GCKR: variants seen among roughly 807,000 people sequenced by gnomAD.
GCKR encodes the protein glucokinase regulatory protein.
Under a neutral mutation model 82.9 loss-of-function variants are expected in GCKR, and 73 were observed. The observed-to-expected ratio is 0.88, with a 90% CI of 0.73 to 1.07. The LOEUF (loss-of-function observed/expected upper bound fraction) is 1.07, where lower values mean the gene tolerates loss of function less well. Among genes scored for constraint, GCKR ranks in the 50% least tolerant of loss-of-function variants. The pLI is 0.00. For missense variants in GCKR, 784 were observed against 782.1 expected (o/e 1.00, Z -0.03); for synonymous variants, 294 against 291.8 (o/e 1.01, Z -0.08).
At chr2:27,499,094 G>T in intron 5 of GCKR, 48 bp from the exon 6 acceptor site, 2 of 1,111,996 alleles carry the variant, frequency 1.8e-6, no homozygotes, top group Non-Finnish European at 2.8e-6. Flanking sequence ...TACGCCATAG[G>T]CTTCTGCTTT....
intron 7 of GCKR, among the ~76,000 whole-genome samples, chr2:27,500,458 A>G (rs1669547579): frequency 6.6e-6 from 1 of 152,214 alleles, no homozygotes; most frequent in Non-Finnish European, 1.5e-5. Flanking sequence ...AGTTATTGGA[A>G]CACAGCCATT....
chr2:27,498,598 G>A, intron 4 of GCKR, 126 bp from the exon 5 acceptor site: 1 of 733,134 alleles, frequency 1.4e-6, no homozygotes, highest in Non-Finnish European at 2.5e-6. Flanking sequence ...GAGATTCCAT[G>A]TAGGACTGGG....
intron 16 of GCKR, among the ~76,000 whole-genome samples, chr2:27,517,244 C>T (rs944213847): frequency 2.0e-5 from 3 of 152,084 alleles, no homozygotes; most frequent in African/African-American, 7.2e-5. Flanking sequence ...AATCTCCTGA[C>T]CTCATGATCC....
rs758637879 is a variant in GCKR at position 27,496,869 on chromosome 2, G to C, written c.-36G>C. On this transcript the variant is annotated 5_prime_UTR_variant, in exon 1 of 19. Transcript: ENST00000264717. ...GACCAGAGGGGTTTGTGTGGCTGAAGAGGCAGGAGGAACAGTGTATCCACA... is the reference window on the plus strand; with the variant it reads ...GACCAGAGGGGTTTGTGTGGCTGAACAGGCAGGAGGAACAGTGTATCCACA... The C allele has an allele frequency of 1.1e-5, 18 of 1,578,938 alleles. No homozygotes were observed. Among genetic ancestry groups the C allele is most frequent in the African/African-American group, 1.3e-5 (1 of 74,168 alleles).
chr2:27,503,376 T>A, intron 8 of GCKR, 138 bp from the exon 9 acceptor site: 1 of 704,912 alleles, frequency 1.4e-6, no homozygotes, highest in South Asian at 1.5e-5. Context: ...CTCTAAAAGT[T>A]CCAAAGCATA....
At chr2:27,517,013 CTT>C (rs10549495) in intron 16 of GCKR, among the ~76,000 whole-genome samples, 6,589 of 135,016 alleles carry the variant, frequency 0.049, 436 homozygotes, top group African/African-American at 0.16. Flanking sequence ...GTATTAGTAC[CTT>C]TTTTTTTTTT....
chr2:27,520,283 A>G (rs1670118888), intron 17 of GCKR, among the ~76,000 whole-genome samples: 1 of 152,140 alleles, frequency 6.6e-6, no homozygotes, highest in Admixed American at 6.6e-5. Context: ...AATGCATTAT[A>G]GCAAAAAGAA....
rs373060500 is a variant in GCKR, at chr2:27,521,497, A to AT, written c.1573-946dup. Reference sequence around the variant, plus strand: ...AGGCATGCGCCACCACACCCAGCTAATTTTTTTTTTTTTTTTTGTATTTTT... The same window carrying AT: ...AGGCATGCGCCACCACACCCAGCTAATTTTTTTTTTTTTTTTTTGTATTTTT... On this transcript the variant is annotated intron_variant, in intron 17 of 18. Transcript: ENST00000264717. Among the ~76,000 whole-genome samples, 1,181 of 136,288 alleles carry AT rather than the reference A, an allele frequency of 8.7e-3. 12 individuals carry two copies. The highest frequency in any genetic ancestry group is 0.025 in the African/African-American group (905 of 36,598). The allele number at this position is 136,288 out of a possible 152,430, so 89.4% of individuals were successfully genotyped here.
At chr2:27,517,702 A>G (rs1326413776) in intron 16 of GCKR, among the ~76,000 whole-genome samples, 1 of 152,178 alleles carries the variant, frequency 6.6e-6, no homozygotes, top group East Asian at 1.9e-4. Flanking sequence ...CTAATGTGCC[A>G]ATAGGTGTTA....
intron 9 of GCKR, 106 bp from the exon 10 acceptor site, chr2:27,505,612 C>A: frequency 1.4e-6 from 1 of 734,722 alleles, no homozygotes; most frequent in Non-Finnish European, 2.5e-6. Context: ...CACAAGCACA[C>A]TGGGGGCCAC....
Position 27,498,283 on chromosome 2 carries a change from G to C in GCKR, c.314G>C (p.Ser105Thr), listed in dbSNP as rs774930016. 6.2e-7 allele frequency: 1 copy of C among 1,613,888 alleles called. No individual in the cohort carries two copies. The change falls in exon 4 of 19, where the codon AGT becomes ACT. Residue 105 changes from serine to threonine, a missense_variant. By Grantham distance (58) the Ser-to-Thr change is moderately conservative. Transcript: ENST00000264717. ...KEPDGGLVVLSGGGTSGRMAF... is the reference protein window; with the variant it reads ...KEPDGGLVVLTGGGTSGRMAF... ...CCAGATGGGGGGCTGGTTGTGCTGAGTGGAGGGGGCACCTCTGGCCGGATG... is the reference window on the plus strand; with the variant it reads ...CCAGATGGGGGGCTGGTTGTGCTGACTGGAGGGGGCACCTCTGGCCGGATG...
Position 27,505,786 on chromosome 2 carries a change from G to A in GCKR, c.819G>A (p.Leu273=), listed in dbSNP as rs779287544. The change falls in exon 10 of 19, where the codon CTG becomes CTA. Residue 273 remains leucine, a synonymous_variant. Transcript: ENST00000264717. The part of the protein sequence containing the change: ...GSATKILLET[L]LLAAHKTVDQ... ...CCACCAAGATTCTGCTGGAAACCCT[G>A]TTATTAGCAGCCCATAAGACTGTGG... 3 of 1,611,458 alleles carry A rather than the reference G, an allele frequency of 1.9e-6. No homozygotes were observed. In the Admixed American group the frequency reaches 5.0e-5, roughly 27 times the overall value.
Position 27,507,737 on chromosome 2 carries a change from C to A in GCKR, c.1200C>A (p.Leu400=). The A allele has an allele frequency of 6.2e-7, 1 of 1,609,316 alleles. No individual in the cohort carries two copies. The highest frequency in any genetic ancestry group is 8.5e-7 in the Non-Finnish European group (1 of 1,175,732). Residue 400 remains leucine, a synonymous_variant, in exon 14 of 19, where the codon CTC becomes CTA. Transcript: ENST00000264717. ...EDFLTSILPS[L]TEIDTVVFIF... is the part of the protein sequence containing the mutation. ...TCCTGACTTCCATCCTTCCCTCTCT[C>A]ACGGAAATCGATACTGTGGTCTTCA...
chr2:27,499,169 A>G lies in GCKR; in HGVS notation c.456A>G (p.Thr152=). ...CTGTGGTGGCCTCTAGGGAGGGGAC[A>G]GAAGATAGTGCCTTGCACGGGATTG... The part of the protein sequence containing the change: ...DRSVVASREG[T]EDSALHGIEE... Residue 152 remains threonine, a synonymous_variant, in exon 6 of 19, where the codon ACA becomes ACG. Coordinates refer to ENST00000264717, the MANE Select transcript of GCKR (RefSeq NM_001486.4). 4.3e-6 allele frequency: 7 copies of G among 1,611,890 alleles called. No individual in the cohort carries two copies. The highest frequency in any genetic ancestry group is 5.9e-6 in the Non-Finnish European group (7 of 1,178,046).
intron 9 of GCKR, among the ~76,000 whole-genome samples, chr2:27,505,154 T>G: frequency 8.5e-6 from 1 of 117,578 alleles, no homozygotes; most frequent in South Asian, 2.6e-4. Context: ...AAAAGCACTT[T>G]GGGAGGCCGA....
intron 12 of GCKR, 59 bp downstream of exon 12, chr2:27,506,944 C>G: frequency 8.9e-7 from 1 of 1,127,426 alleles, no homozygotes; most frequent in Non-Finnish European, 1.4e-6. Context: ...ATTCGGGCTG[C>G]TCTCCAAACA....
At chr2:27,499,573 T>A (rs1027463147) in intron 7 of GCKR, 123 bp downstream of exon 7, 16 of 815,402 alleles carry the variant, frequency 2.0e-5, no homozygotes, top group Non-Finnish European at 3.3e-5. Flanking sequence ...TCAAGGAATT[T>A]TGGTTTTAGT....
At chr2:27,507,512 G>A (rs1669778218) in intron 13 of GCKR, 169 bp from the exon 14 acceptor site, 2 of 678,306 alleles carry the variant, frequency 2.9e-6, no homozygotes, top group East Asian at 5.2e-5. Context: ...CTTGGCCCTA[G>A]TCCACTGACT....
intron 16 of GCKR, chr2:27,509,642 A>C (rs1179564116): frequency 8.2e-6 from 2 of 244,910 alleles, no homozygotes; most frequent in African/African-American, 4.5e-5. Flanking sequence ...ACGCCTAGCC[A>C]AAACACTGTA....
Sources: allele counts gnomAD v4.1 joint callset (sites outside exome capture counted in the v4.1 genomes callset), GRCh38; gene constraint gnomAD v4.1.1; transcripts MANE v1.5; gene names NCBI Gene and HGNC (gene_info 2026-07-23, HGNC 2026-07-21).